Variants in PAM observed in about 807,000 individuals in gnomAD.
The protein encoded by PAM is peptidylglycine alpha-amidating monooxygenase, also known as peptidyl-glycine alpha-amidating monooxygenase.
PAM carries 72 observed loss-of-function variants against 122.1 expected under a neutral mutation model. The observed-to-expected ratio is 0.59, with a 90% CI of 0.49 to 0.72. PAM has a LOEUF of 0.72. Among genes scored for constraint, PAM ranks in the 30% least tolerant of loss-of-function variants. PAM has a pLI of 0.00. For synonymous variants in PAM, 389 were observed against 404.4 expected, an observed-to-expected ratio of 0.96 and a Z score of 0.46; for missense variants, 1,106 against 1,183.7, an observed-to-expected ratio of 0.93 and a Z score of 0.96.
intron 1 of PAM, among the ~76,000 whole-genome samples, chr5:102,759,859 G>C (rs528322215): frequency 6.6e-6 from 1 of 152,300 alleles, no homozygotes; most frequent in Admixed American, 6.5e-5. Flanking sequence ...ATGCAGTCTA[G>C]CTACTGTATA....
At chr5:102,940,809 G>T (rs980112297) in intron 7 of PAM, among the ~76,000 whole-genome samples, 1 of 152,030 alleles carries the variant, frequency 6.6e-6, no homozygotes, top group Non-Finnish European at 1.5e-5. Context: ...GGAAGGGGAC[G>T]TGAGTGGAGG....
intron 1 of PAM, among the ~76,000 whole-genome samples, chr5:102,788,044 T>C (rs549067113): frequency 6.6e-6 from 1 of 152,210 alleles, no homozygotes; most frequent in East Asian, 1.9e-4. Flanking sequence ...TTGAGGAAAG[T>C]CCTATTTCAG....
intron 1 of PAM, among the ~76,000 whole-genome samples, chr5:102,862,989 CTTT>C (rs1386326059): frequency 1.4e-5 from 2 of 142,388 alleles, no homozygotes; most frequent in Admixed American, 7.0e-5. Context: ...TGCCAGCTAT[CTTT>C]TTTTTTTTTA....
At chr5:102,913,559 T>C (rs748640360) in intron 4 of PAM, among the ~76,000 whole-genome samples, 3 of 152,008 alleles carry the variant, frequency 2.0e-5, no homozygotes, top group Non-Finnish European at 4.4e-5. Context: ...CACTACAATG[T>C]TGAGCAGTGT....
chr5:102,897,748 G>A (rs915223696), intron 3 of PAM, among the ~76,000 whole-genome samples: 3 of 151,558 alleles, frequency 2.0e-5, no homozygotes, highest in Admixed American at 2.0e-4. Context: ...TAGTCTGGGA[G>A]GATTCTGTAC....
Position 103,003,056 on chromosome 5 carries a change from A to G in PAM, c.1637A>G (p.Tyr546Cys), listed in dbSNP as rs753806335. ...DGNSFDSKFV[Y>C]QQIGLGPIEE... is the part of the protein sequence containing the mutation. ...AGCTCGTTTGACAGCAAGTTTGTTT[A>G]CCAGCAAATAGGACTCGGACCAATT... The change falls in exon 17 of 26, where the codon TAC (tyrosine) becomes TGC (cysteine). Residue 546 changes from tyrosine (Y) to cysteine (C), a missense_variant. Physicochemically the swap from Tyr to Cys is radical, Grantham distance 194 (BLOSUM62 -2). Coordinates refer to ENST00000438793, the MANE Select transcript of PAM (RefSeq NM_001177306.2). 3.1e-6 allele frequency: 5 copies of G among 1,594,878 alleles called. No individual in the cohort carries two copies. The South Asian group carries it at 5.5e-5, about 18-fold the overall frequency.
At chr5:102,763,123 T>C (rs1300270873) in intron 1 of PAM, among the ~76,000 whole-genome samples, 1 of 152,214 alleles carries the variant, frequency 6.6e-6, no homozygotes, top group East Asian at 1.9e-4. Context: ...AGTTCCCTAA[T>C]TAAACAGACT....
chr5:103,028,073 GCCAGGCCTTGCTTTATCATTTA>G, intron 24 of PAM, 90 bp from the exon 25 acceptor site: 3 of 797,932 alleles, frequency 3.8e-6, no homozygotes. Context: ...ACAGACAAGA[GCCAGGCCTTGCTTTATCATTTA>G]CCAGTTCCTA....
rs1752871103 is a variant in PAM, at chr5:102,763,128, C to G, written c.-374+7780C>G. On this transcript the variant is annotated intron_variant, in intron 1 of 25. Transcript: ENST00000438793. ...GTTCTTGTCTAGTTCCCTAATTAAACAGACTCTCTTGGTCCCATGATTATC... is the reference window on the plus strand; with the variant it reads ...GTTCTTGTCTAGTTCCCTAATTAAAGAGACTCTCTTGGTCCCATGATTATC... 3.3e-5 allele frequency among the ~76,000 whole-genome samples: 5 copies of G among 152,282 alleles called. No individual in the cohort carries two copies. In the South Asian group the frequency reaches 1.0e-3, roughly 32 times the overall value.
intron 22 of PAM, among the ~76,000 whole-genome samples, chr5:103,018,416 T>G (rs1313210917): frequency 1.3e-5 from 2 of 152,170 alleles, no homozygotes; most frequent in Non-Finnish European, 2.9e-5. Context: ...CTCAATTAAT[T>G]TGGTAACTTT....
intron 9 of PAM, among the ~76,000 whole-genome samples, chr5:102,948,727 A>G (rs947306153): frequency 6.6e-6 from 1 of 152,118 alleles, no homozygotes; most frequent in African/African-American, 2.4e-5. Flanking sequence ...TTAAAAATAA[A>G]TCATCCATTC....
chr5:102,867,175 A>G (rs975693540), intron 2 of PAM, 98 bp from the exon 3 acceptor site: 5 of 758,352 alleles, frequency 6.6e-6, no homozygotes, highest in Non-Finnish European at 8.7e-6. Flanking sequence ...GTTTAAATCA[A>G]TCATCTTTAA....
intron 23 of PAM, among the ~76,000 whole-genome samples, chr5:103,023,828 A>G (rs1784276607): frequency 6.6e-6 from 1 of 152,174 alleles, no homozygotes; most frequent in African/African-American, 2.4e-5. Context: ...TAAGTACTCA[A>G]TAGATATCAC....
chr5:102,906,860 T>C (rs114378540), intron 4 of PAM, among the ~76,000 whole-genome samples: 2,101 of 151,810 alleles, frequency 0.014, 33 homozygotes, highest in Non-Finnish European at 0.022. Flanking sequence ...CTTGATTCTG[T>C]AGGAAATTAA....
At chr5:102,977,858 C>T (rs144746085) in intron 15 of PAM, among the ~76,000 whole-genome samples, 1 of 151,992 alleles carries the variant, frequency 6.6e-6, no homozygotes, top group African/African-American at 2.4e-5. Flanking sequence ...GGTCTCTATG[C>T]AAGTATAAAA....
intron 22 of PAM, among the ~76,000 whole-genome samples, chr5:103,019,267 C>T (rs909014186): frequency 2.6e-5 from 4 of 152,220 alleles, no homozygotes; most frequent in Non-Finnish European, 4.4e-5. Flanking sequence ...GATGGAAAAG[C>T]ACAGCGATAT....
rs1785798143 is a variant in PAM, at chr5:103,028,939, C to CT, written c.2797dup (p.Tyr933LeufsTer7). ...GTAATTTCTTTGCAAGCCGTAAGGG[C>CT]TACAGTCGAAAAGGGTTTGACCGGC... On this transcript the variant is annotated frameshift_variant, in exon 26 of 26. Transcript: ENST00000438793. LOFTEE classifies it high-confidence loss of function. The CT allele has an allele frequency of 6.2e-7, 1 of 1,613,418 alleles. No homozygotes were observed. The highest frequency in any genetic ancestry group is 1.7e-5 in the Admixed American group (1 of 59,954).
chr5:102,974,137 C>G lies in PAM; in HGVS notation c.1184C>G (p.Ser395Cys), dbSNP rs1354943778. The G allele has an allele frequency of 2.5e-6, 4 of 1,612,860 alleles. No individual in the cohort carries two copies. The African/African-American group carries it at 5.3e-5, about 22-fold the overall frequency. ...ACAGGTGATTTCTATTCACTACTTT[C>G]CAAGCTGCTAGGAGAAAGGGAAGAT... Reference protein sequence around the residue: ...LDQGDFYSLLSKLLGEREDVV... With the variant: ...LDQGDFYSLLCKLLGEREDVV... Residue 395 changes from serine (S) to cysteine (C), a missense_variant, in exon 15 of 26, where the codon TCC (serine) becomes TGC (cysteine). Ser to Cys is a moderately radical substitution (Grantham distance 112). This residue lies in a region of PAM where 670 missense variants were observed against 690.3 expected (regional missense o/e 0.97). Coordinates refer to ENST00000438793, the MANE Select transcript of PAM (RefSeq NM_001177306.2).
chr5:102,787,618 C>T (rs1382811148), intron 1 of PAM, among the ~76,000 whole-genome samples: 1 of 151,654 alleles, frequency 6.6e-6, no homozygotes, highest in African/African-American at 2.4e-5. Flanking sequence ...TGAACAAGAC[C>T]CCAGTCAGCT....
Sources: allele counts gnomAD v4.1 joint callset (sites outside exome capture counted in the v4.1 genomes callset), GRCh38; gene constraint gnomAD v4.1.1; regional missense constraint gnomAD v4.1.1; transcripts MANE v1.5; gene names NCBI Gene and HGNC (gene_info 2026-07-23, HGNC 2026-07-21).